The following CCDC33 variants were observed in gnomAD, a reference collection of about 807,000 sequenced individuals.
CCDC33 encodes coiled-coil domain-containing protein 33.
Under a neutral mutation model 91.9 loss-of-function variants are expected in CCDC33, and 94 were observed. The observed-to-expected ratio is 1.02, with a 90% CI of 0.87 to 1.21. The LOEUF is 1.21. Among genes scored for constraint, CCDC33 ranks in the 50% most tolerant of loss-of-function variants. CCDC33 has a pLI of 0.00. For synonymous variants in CCDC33, 396 were observed against 374.5 expected (o/e 1.06, Z -0.66); for missense variants, 940 against 935.5 (o/e 1.00, Z -0.06).
intron 2 of CCDC33, among the ~76,000 whole-genome samples, chr15:74,229,425 G>A (rs957398315): frequency 3.3e-5 from 5 of 152,154 alleles, no homozygotes; most frequent in Admixed American, 6.5e-5. Flanking sequence ...CTTGGGAAGC[G>A]GAGGTTGCAG....
At chr15:74,328,699 G>T (rs1291390912) in intron 11 of CCDC33, among the ~76,000 whole-genome samples, 1 of 152,208 alleles carries the variant, frequency 6.6e-6, no homozygotes, top group Non-Finnish European at 1.5e-5. Context: ...TGTCTGGTGG[G>T]CCCCTGCTGC....
intron 11 of CCDC33, among the ~76,000 whole-genome samples, chr15:74,313,461 CAGGCTGG>C (rs1263082241): frequency 7.2e-6 from 1 of 138,616 alleles, no homozygotes; most frequent in Non-Finnish European, 1.5e-5. Context: ...CTCTGTCATC[CAGGCTGG>C]AGTACAGTGG....
intron 2 of CCDC33, among the ~76,000 whole-genome samples, chr15:74,247,344 A>G (rs1465218282): frequency 1.5e-5 from 2 of 135,420 alleles, no homozygotes; most frequent in Non-Finnish European, 3.1e-5. Flanking sequence ...ATGAATGGAT[A>G]AAGAAAAAAT....
chr15:74,214,079 GAGGTGGATCGTTGAAGAT>G (rs1482159368), upstream of CCDC33, among the ~76,000 whole-genome samples: 1 of 152,022 alleles, frequency 6.6e-6, no homozygotes, highest in Admixed American at 6.6e-5. Flanking sequence ...GAGGGAGTTG[GAGGTGGATCGTTGAAGAT>G]AGGGGTCTCA....
intron 7 of CCDC33, 124 bp downstream of exon 7, chr15:74,273,015 C>T (rs2076362056): frequency 7.7e-7 from 1 of 1,302,024 alleles, no homozygotes; most frequent in Admixed American, 1.7e-5. Context: ...AATCCCACGG[C>T]ATACCCAGTG....
At chr15:74,247,121 G>T (rs2075556463) in intron 2 of CCDC33, among the ~76,000 whole-genome samples, 1 of 151,292 alleles carries the variant, frequency 6.6e-6, no homozygotes, top group South Asian at 2.1e-4. Context: ...CTCCAGCCTG[G>T]GCAACAGAGC....
At chr15:74,206,144 C>A (rs1344116257) in intron 1 of CCDC33, among the ~76,000 whole-genome samples, 1 of 152,198 alleles carries the variant, frequency 6.6e-6, no homozygotes, top group African/African-American at 2.4e-5. Flanking sequence ...ACACCAGTAA[C>A]CAGTTGTAAC....
chr15:74,290,446 A>C (rs1030221761), intron 10 of CCDC33, among the ~76,000 whole-genome samples: 4 of 152,078 alleles, frequency 2.6e-5, no homozygotes, highest in African/African-American at 9.7e-5. Flanking sequence ...AAAGCCATTT[A>C]TTAGATTTCT....
intron 11 of CCDC33, chr15:74,299,741 A>T (rs1393433673): frequency 6.6e-6 from 1 of 152,398 alleles, no homozygotes; most frequent in Non-Finnish European, 1.5e-5. Flanking sequence ...TCCCTTACCC[A>T]TCCCACTCTG....
intron 10 of CCDC33, 86 bp from the exon 11 acceptor site, chr15:74,295,668 G>A (rs2059671223): frequency 8.4e-7 from 1 of 1,192,676 alleles, no homozygotes; most frequent in Non-Finnish European, 1.2e-6. Context: ...GAGGAGGAGA[G>A]GCTTGGGGTG....
Position 74,331,202 on chromosome 15 carries a change from G to C in CCDC33, c.1678-1G>C, listed in dbSNP as rs779909013. The C allele has an allele frequency of 1.2e-6, 2 of 1,614,194 alleles. No homozygotes were observed. Among genetic ancestry groups the C allele is most frequent in the Middle Eastern group, 1.6e-4 (1 of 6,062 alleles). ...AGCCCAGCCTCTGCTCTGCTCTCCAGGTGATCGAGAAGATGGAGCGGGTGC... is the reference window on the plus strand; with the variant it reads ...AGCCCAGCCTCTGCTCTGCTCTCCACGTGATCGAGAAGATGGAGCGGGTGC... On this transcript the variant is annotated splice_acceptor_variant, in intron 14 of 18. Coordinates refer to ENST00000398814, the MANE Select transcript of CCDC33 (RefSeq NM_025055.5). LOFTEE classifies it high-confidence loss of function.
intron 2 of CCDC33, among the ~76,000 whole-genome samples, chr15:74,252,887 C>T (rs2142321313): frequency 6.6e-6 from 1 of 152,318 alleles, no homozygotes; most frequent in South Asian, 2.1e-4. Flanking sequence ...TCAGTGAGAA[C>T]TTCCCTTTGT....
intron 2 of CCDC33, among the ~76,000 whole-genome samples, chr15:74,229,354 G>C (rs757097248): frequency 2.0e-5 from 3 of 152,154 alleles, no homozygotes; most frequent in Non-Finnish European, 4.4e-5. Flanking sequence ...TTAGCCAGGC[G>C]TAATGGCAGG....
chr15:74,275,096 T>C (rs888927772), intron 7 of CCDC33, among the ~76,000 whole-genome samples: 5 of 152,194 alleles, frequency 3.3e-5, no homozygotes, highest in Admixed American at 6.5e-5. Flanking sequence ...CCCTCATCTC[T>C]ACACTTGAGG....
At chr15:74,305,957 G>A (rs2059886547) in intron 11 of CCDC33, among the ~76,000 whole-genome samples, 1 of 152,156 alleles carries the variant, frequency 6.6e-6, no homozygotes, top group Admixed American at 6.5e-5. Context: ...GCTTTTCAGA[G>A]GACTAACAGG....
At chr15:74,230,301 C>T (rs927229696) in intron 2 of CCDC33, among the ~76,000 whole-genome samples, 7 of 152,158 alleles carry the variant, frequency 4.6e-5, no homozygotes, top group African/African-American at 1.7e-4. Context: ...ATTGTCCCCA[C>T]CCCAAGGCCT....
intron 10 of CCDC33, among the ~76,000 whole-genome samples, chr15:74,285,563 C>T (rs1019791601): frequency 1.3e-5 from 2 of 151,966 alleles, no homozygotes; most frequent in South Asian, 4.2e-4. Flanking sequence ...CCTGGCTTTG[C>T]CCCCGAGGCT....
chr15:74,255,340 C>T (rs907037800), intron 2 of CCDC33, among the ~76,000 whole-genome samples: 6 of 152,240 alleles, frequency 3.9e-5, no homozygotes, highest in Admixed American at 3.3e-4. Flanking sequence ...CTCAAGCCCA[C>T]GACTGGTGAG....
chr15:74,218,464 G>C lies in CCDC33; in HGVS notation c.311-33G>C. The C allele has an allele frequency of 8.0e-7, 1 of 1,248,804 alleles. No individual in the cohort carries two copies. Among genetic ancestry groups the C allele is most frequent in the African/African-American group, 1.5e-5 (1 of 65,338 alleles). 77.4% of individuals were successfully genotyped at this position (1,248,804 alleles called of 1,614,324 possible). A position where few individuals can be genotyped will look rare whatever the true frequency, so the allele number is the denominator to read the frequency against. ...ACCTGGCAGATGCAGAGAAACCTGA[G>C]ACCATCTCTGAGCCCTGTGTTCCCT... On this transcript the variant is annotated intron_variant, in intron 1 of 2. Transcript: ENST00000635913. This position sits in a 1 kb window ranked among gnomAD's most constrained non-coding sequence, Gnocchi z 4.8.
Sources: allele counts gnomAD v4.1 joint callset (sites outside exome capture counted in the v4.1 genomes callset), GRCh38; gene constraint gnomAD v4.1.1; non-coding constraint Gnocchi (gnomAD v3.1); transcripts MANE v1.5; gene names NCBI Gene and HGNC (gene_info 2026-07-23, HGNC 2026-07-21).